The following COBL variants were observed in gnomAD, a reference collection of about 807,000 sequenced individuals.
The protein encoded by COBL is cordon-bleu WH2 repeat protein.
Under a neutral mutation model 98.8 loss-of-function variants are expected in COBL, and 51 were observed. That is an observed-to-expected ratio of 0.52 (90% CI 0.41 to 0.65). The LOEUF (loss-of-function observed/expected upper bound fraction) is 0.65. Ranked by LOEUF, COBL falls within the 30% of genes least tolerant of loss-of-function variation. COBL has a pLI of 0.00. For synonymous variants in COBL, 634 were observed against 651.7 expected, an observed-to-expected ratio of 0.97 and a Z score of 0.41; for missense variants, 1,617 against 1,617.5, an observed-to-expected ratio of 1.00 and a Z score of 0.01.
chr7:51,149,065 A>G (rs1785312356), intron 5 of COBL, among the ~76,000 whole-genome samples: 1 of 151,960 alleles, frequency 6.6e-6, no homozygotes, highest in Non-Finnish European at 1.5e-5. Context: ...TTTGCTATAA[A>G]CCCCAAGCCC....
intron 1 of COBL, chr7:51,260,204 T>A (rs1404026302): frequency 4.2e-6 from 3 of 708,828 alleles, no homozygotes; most frequent in Admixed American, 4.9e-5. Context: ...TGCGTAACTC[T>A]ACCACATGGG....
chr7:51,309,880 CA>C (rs1434346931), intron 1 of COBL, among the ~76,000 whole-genome samples: 2 of 152,140 alleles, frequency 1.3e-5, no homozygotes, highest in African/African-American at 4.8e-5. Context: ...GGTTTTCGGA[CA>C]GGGGAGGGCG....
chr7:51,053,134 CATTA>C (rs1238819965), intron 7 of COBL, among the ~76,000 whole-genome samples: 1 of 152,124 alleles, frequency 6.6e-6, no homozygotes, highest in Non-Finnish European at 1.5e-5. Context: ...TCAAAAATAG[CATTA>C]ATTAACATAT....
chr7:51,102,354 T>G (rs1328519050), intron 6 of COBL, among the ~76,000 whole-genome samples: 1 of 152,176 alleles, frequency 6.6e-6, no homozygotes, highest in African/African-American at 2.4e-5. Context: ...AATCTCATTG[T>G]GCCAATTATG....
intron 1 of COBL, among the ~76,000 whole-genome samples, chr7:51,233,676 C>T (rs569376700): frequency 3.3e-5 from 5 of 152,296 alleles, no homozygotes; most frequent in African/African-American, 7.2e-5. Context: ...TGGAACTCAA[C>T]GGACTGTGAG....
intron 5 of COBL, among the ~76,000 whole-genome samples, chr7:51,140,541 G>A (rs1799640125): frequency 6.6e-6 from 1 of 152,114 alleles, no homozygotes; most frequent in South Asian, 2.1e-4. Context: ...GTATGCATGG[G>A]TGTGTGTGTG....
intron 5 of COBL, among the ~76,000 whole-genome samples, chr7:51,145,474 G>C (rs1230382079): frequency 6.6e-6 from 1 of 151,002 alleles, no homozygotes; most frequent in African/African-American, 2.4e-5. Flanking sequence ...TCTACCTCCC[G>C]GGTTCAAGCT....
chr7:51,117,355 T>C (rs928947700), intron 6 of COBL, among the ~76,000 whole-genome samples: 3 of 152,030 alleles, frequency 2.0e-5, no homozygotes, highest in Admixed American at 6.5e-5. Context: ...AATAAATAAA[T>C]AGAAAAAATA....
At chr7:51,223,664 C>T (rs567880909) in intron 1 of COBL, among the ~76,000 whole-genome samples, 1 of 152,352 alleles carries the variant, frequency 6.6e-6, no homozygotes, top group East Asian at 1.9e-4. Context: ...TTGTTCTGCT[C>T]TCAAAGACAT....
intron 4 of COBL, among the ~76,000 whole-genome samples, chr7:51,190,211 A>G (rs1447242821): frequency 1.3e-5 from 2 of 152,024 alleles, no homozygotes; most frequent in African/African-American, 2.4e-5. Context: ...GAAAATCAAG[A>G]TAATTTTTTT....
At chr7:51,280,683 C>A (rs745886332) in intron 1 of COBL, among the ~76,000 whole-genome samples, 6 of 152,180 alleles carry the variant, frequency 3.9e-5, no homozygotes, top group Non-Finnish European at 8.8e-5. Context: ...AACATAAAGT[C>A]ATTTGTGAAC....
chr7:51,029,188 C>A lies in COBL; in HGVS notation c.1908G>T (p.Ser636=). ...CATTTAGGTTGTCTGTGTGAAGATT[C>A]GAAGCAAAAGAAGTCACCCTGGGCG... The part of the protein sequence containing the change: ...ETAPRVTSFA[S]NLHTDNLNAK... The change falls in exon 10 of 13, where the codon TCG becomes TCT. Residue 636 remains serine, a synonymous_variant. Transcript: ENST00000265136. 6.2e-7 allele frequency: 1 copy of A among 1,614,090 alleles called. No homozygotes were observed. Among genetic ancestry groups the A allele is most frequent in the Non-Finnish European group, 8.5e-7 (1 of 1,180,002 alleles).
intron 6 of COBL, among the ~76,000 whole-genome samples, chr7:51,133,106 C>G (rs938893237): frequency 5.3e-5 from 8 of 150,012 alleles, no homozygotes; most frequent in Non-Finnish European, 4.5e-5. Flanking sequence ...GGGTCCAGGA[C>G]AAAGGGAGAG....
intron 7 of COBL, among the ~76,000 whole-genome samples, chr7:51,044,377 G>A (rs1044228713): frequency 2.6e-5 from 4 of 152,148 alleles, no homozygotes; most frequent in Non-Finnish European, 4.4e-5. Flanking sequence ...GCTATTCTGC[G>A]CAACTACCTA....
rs771262229 is a variant in COBL at position 51,156,401 on chromosome 7, C to T, written c.784-20070G>A. ...GAAATGTCCCTTTCTGAAAGCTCACCGAAGTGTCTCTTCTGAAGGAGACAT... is the reference window on the plus strand; with the variant it reads ...GAAATGTCCCTTTCTGAAAGCTCACTGAAGTGTCTCTTCTGAAGGAGACAT... On this transcript the variant is annotated intron_variant, in intron 5 of 12. Transcript: ENST00000265136. 5 of 985,142 alleles carry T rather than the reference C, an allele frequency of 5.1e-6. No homozygotes were observed. The African/African-American group carries it at 7.0e-5, about 14-fold the overall frequency. 61.0% of individuals were successfully genotyped at this position (985,142 alleles called of 1,614,324 possible).
intron 6 of COBL, among the ~76,000 whole-genome samples, chr7:51,097,719 A>G (rs1225020721): frequency 1.3e-5 from 2 of 152,162 alleles, no homozygotes; most frequent in Non-Finnish European, 2.9e-5. Flanking sequence ...AAATAATAAA[A>G]TACTTAGAAA....
At chr7:51,039,748 G>A (rs1183181148) in intron 8 of COBL, among the ~76,000 whole-genome samples, 1 of 152,224 alleles carries the variant, frequency 6.6e-6, no homozygotes, top group Non-Finnish European at 1.5e-5. Flanking sequence ...CAGTCCTCAG[G>A]AGGGTGTAAG....
chr7:51,281,924 G>A (rs1424462974), intron 1 of COBL, among the ~76,000 whole-genome samples: 1 of 152,098 alleles, frequency 6.6e-6, no homozygotes, highest in Non-Finnish European at 1.5e-5. Context: ...ACATAACCAT[G>A]AAGGATACCT....
At chr7:51,260,065 G>A (rs1405467023) in intron 1 of COBL, 1 of 1,107,370 alleles carries the variant, frequency 9.0e-7, no homozygotes, top group East Asian at 2.3e-5. Context: ...TTCTCCAAAA[G>A]TGTCTGCTTT....
Sources: gnomAD v4.1 joint callset for allele counts (sites outside exome capture counted in the v4.1 genomes callset) on GRCh38, gnomAD v4.1.1 for gene constraint, MANE v1.5 for transcripts, NCBI Gene and HGNC (gene_info 2026-07-23, HGNC 2026-07-21) for gene names.